Variants in STAG1 observed in about 807,000 individuals in gnomAD.
STAG1 encodes STAG1 cohesin complex component, also known as cohesin subunit SA-1.
Under a neutral mutation model 170.9 loss-of-function variants are expected in STAG1, and 26 were observed. The observed-to-expected ratio is 0.15, with a 90% CI of 0.11 to 0.21. The LOEUF (loss-of-function observed/expected upper bound fraction) is 0.21. Among genes scored for constraint, STAG1 ranks in the 10% least tolerant of loss-of-function variants. The pLI, the probability that STAG1 is intolerant of heterozygous loss-of-function variation, is 1.00. For missense variants in STAG1, 964 were observed against 1,509.5 expected (o/e 0.64, Z 5.99); for synonymous variants, 514 against 497.7 (o/e 1.03, Z -0.44).
At chr3:136,630,764 A>C (rs1012217888) in intron 2 of STAG1, 106 bp downstream of exon 2, 6 of 830,218 alleles carry the variant, frequency 7.2e-6, no homozygotes, top group African/African-American at 3.5e-5. Flanking sequence ...CCCAATATCA[A>C]AGAACATATT....
chr3:136,427,842 TAAC>T (rs1402302275), intron 16 of STAG1, among the ~76,000 whole-genome samples: 5 of 152,252 alleles, frequency 3.3e-5, no homozygotes, highest in East Asian at 1.9e-4. Flanking sequence ...AGTCATATAA[TAAC>T]AACTTAAAGC....
At chr3:136,647,481 C>T (rs112277236) in intron 1 of STAG1, among the ~76,000 whole-genome samples, 12 of 152,060 alleles carry the variant, frequency 7.9e-5, no homozygotes, top group Non-Finnish European at 1.5e-4. Context: ...AGGCAGGAGA[C>T]TCGCTTGAAC....
At chr3:136,679,486 T>C (rs1228884961) in intron 1 of STAG1, among the ~76,000 whole-genome samples, 1 of 151,608 alleles carries the variant, frequency 6.6e-6, no homozygotes, top group Non-Finnish European at 1.5e-5. Flanking sequence ...CCCAGCACTT[T>C]GGGAGGCCCA....
intron 7 of STAG1, among the ~76,000 whole-genome samples, chr3:136,520,627 A>T (rs1665392224): frequency 6.6e-6 from 1 of 151,892 alleles, no homozygotes; most frequent in African/African-American, 2.4e-5. Context: ...ACAAGTTGTC[A>T]TGATAATTCT....
chr3:136,550,284 C>T (rs959868019), intron 5 of STAG1, among the ~76,000 whole-genome samples: 5 of 151,538 alleles, frequency 3.3e-5, no homozygotes, highest in East Asian at 1.9e-4. Flanking sequence ...TCTCCTAATC[C>T]GCCCACTGGT....
chr3:136,405,953 A>T (rs201429994), intron 21 of STAG1, among the ~76,000 whole-genome samples: 1 of 152,166 alleles, frequency 6.6e-6, no homozygotes, highest in Non-Finnish European at 1.5e-5. Context: ...GCAGAATGGT[A>T]CAGCCACTCT....
chr3:136,508,901 A>AGC (rs1297935237), intron 7 of STAG1, among the ~76,000 whole-genome samples: 9 of 152,274 alleles, frequency 5.9e-5, no homozygotes, highest in Non-Finnish European at 1.3e-4. Context: ...AGAGAGAGAG[A>AGC]GAGAGAGACA....
chr3:136,521,149 G>A (rs1161280316), intron 7 of STAG1, 64 bp downstream of exon 7: 1 of 1,269,836 alleles, frequency 7.9e-7, no homozygotes, highest in Non-Finnish European at 1.1e-6. Flanking sequence ...CATTAAGTTT[G>A]TAATCAGAAT....
chr3:136,729,748 T>C (rs1162955160), intron 1 of STAG1, among the ~76,000 whole-genome samples: 1 of 151,146 alleles, frequency 6.6e-6, no homozygotes, highest in Non-Finnish European at 1.5e-5. Flanking sequence ...AATTTTTGTA[T>C]TAACATTTTT....
At chr3:136,546,270 A>C (rs887060412) in intron 5 of STAG1, among the ~76,000 whole-genome samples, 34 of 152,202 alleles carry the variant, frequency 2.2e-4, no homozygotes, top group Non-Finnish European at 3.2e-4. Flanking sequence ...CTGCCACCTC[A>C]GTTCTATTAC....
At chr3:136,404,328 T>C (rs549159988) in intron 21 of STAG1, among the ~76,000 whole-genome samples, 2 of 152,284 alleles carry the variant, frequency 1.3e-5, no homozygotes, top group South Asian at 4.1e-4. Flanking sequence ...CCTGTTTCCA[T>C]GAGGAAATGG....
chr3:136,465,917 G>A (rs113883438), intron 12 of STAG1, among the ~76,000 whole-genome samples: 101 of 152,268 alleles, frequency 6.6e-4, no homozygotes, highest in African/African-American at 2.4e-3. Context: ...GGCAGTGCAT[G>A]CCTGCCATCC....
chr3:136,587,210 A>G (rs908249157), intron 4 of STAG1, among the ~76,000 whole-genome samples: 3 of 152,096 alleles, frequency 2.0e-5, no homozygotes. Context: ...ATATTAATCT[A>G]TCATCTGAGG....
intron 7 of STAG1, among the ~76,000 whole-genome samples, chr3:136,503,027 G>C (rs1933562811): frequency 6.6e-6 from 1 of 152,080 alleles, no homozygotes; most frequent in Admixed American, 6.6e-5. Flanking sequence ...CTAACTAACA[G>C]AAGAAAGGAT....
chr3:136,668,270 AT>A (rs918946363), intron 1 of STAG1, among the ~76,000 whole-genome samples: 4 of 147,316 alleles, frequency 2.7e-5, no homozygotes, highest in Non-Finnish European at 6.0e-5. Context: ...TATATTATAC[AT>A]AATATATATT....
intron 14 of STAG1, among the ~76,000 whole-genome samples, chr3:136,449,765 G>A (rs994724145): frequency 6.6e-6 from 1 of 152,076 alleles, no homozygotes; most frequent in Non-Finnish European, 1.5e-5. Flanking sequence ...TTAATAAATT[G>A]AAAAGCCCTT....
chr3:136,343,479 T>C (rs1345762826), intron 30 of STAG1, among the ~76,000 whole-genome samples: 1 of 152,202 alleles, frequency 6.6e-6, no homozygotes, highest in African/African-American at 2.4e-5. Flanking sequence ...GTGTCCAGAC[T>C]ACTGACAACT....
At chr3:136,338,937 A>G (rs868846234) in intron 32 of STAG1, among the ~76,000 whole-genome samples, 1 of 152,192 alleles carries the variant, frequency 6.6e-6, no homozygotes, top group Non-Finnish European at 1.5e-5. Flanking sequence ...CACAACATAC[A>G]AAGCAAAATG....
At chr3:136,589,810 A>T (rs986910966) in intron 4 of STAG1, among the ~76,000 whole-genome samples, 2 of 151,898 alleles carry the variant, frequency 1.3e-5, no homozygotes, top group African/African-American at 4.8e-5. Flanking sequence ...ACACGTCAGT[A>T]ATCCCAGCTA....
Sources: allele counts gnomAD v4.1 joint callset (sites outside exome capture counted in the v4.1 genomes callset), GRCh38; gene constraint gnomAD v4.1.1; transcripts MANE v1.5; gene names NCBI Gene and HGNC (gene_info 2026-07-23, HGNC 2026-07-21).